PRDM7: variants seen among roughly 807,000 people sequenced by gnomAD.
The protein encoded by PRDM7 is PR/SET domain 7.
In PRDM7, 52 loss-of-function variants were observed where a neutral mutation model predicts 64.3. The observed-to-expected ratio is 0.81, with a 90% confidence interval of 0.65 to 1.02. PRDM7 has a LOEUF of 1.02. Among genes scored for constraint, PRDM7 ranks in the 50% least tolerant of loss-of-function variants. PRDM7 has a pLI of 0.00. For synonymous variants in PRDM7, 192 were observed against 210.1 expected (o/e 0.91, Z 0.74); for missense variants, 574 against 597.1 (o/e 0.96, Z 0.40).
chr16:90,062,584 A>T, intron 6 of PRDM7, 82 bp from the exon 7 acceptor site: 1 of 1,209,996 alleles, frequency 8.3e-7, no homozygotes, highest in Non-Finnish European at 1.2e-6. Flanking sequence ...GAAATCTCCT[A>T]CCATCAAATT....
intron 4 of PRDM7, among the ~76,000 whole-genome samples, chr16:90,072,043 A>G (rs2037966058): frequency 6.6e-6 from 1 of 152,156 alleles, no homozygotes; most frequent in African/African-American, 2.4e-5. Context: ...ATCCTGGCTA[A>G]CATGGTGAAA....
At chr16:90,069,529 C>A (rs1393559461) in intron 4 of PRDM7, among the ~76,000 whole-genome samples, 1 of 151,276 alleles carries the variant, frequency 6.6e-6, no homozygotes, top group Non-Finnish European at 1.5e-5. Flanking sequence ...AACTTAAAAA[C>A]TTCTGTGTAG....
At chr16:90,061,605 G>T in intron 8 of PRDM7, 86 bp from the exon 9 acceptor site, 1 of 1,467,168 alleles carries the variant, frequency 6.8e-7, no homozygotes, top group South Asian at 1.1e-5. Context: ...ATGGCCTTTG[G>T]ACCTGCAGAG....
In PRDM7 at chr16:90,067,263, G is replaced by C. The variant is rs2037890132; in HGVS notation, c.302-353C>G. ...TTACAGGCGTGAGCCACTATGCTTG[G>C]CCTAACTCTGGAGTTTCTCATTAGA... On this transcript the variant is annotated intron_variant, in intron 4 of 10. Transcript: ENST00000449207. 4.6e-5 allele frequency among the ~76,000 whole-genome samples: 7 copies of C among 151,296 alleles called. No individual in the cohort carries two copies. The South Asian group carries it at 1.5e-3, about 31-fold the overall frequency.
chr16:90,071,047 A>G lies in PRDM7; in HGVS notation c.301+3869T>C, dbSNP rs569162232. Among the ~76,000 whole-genome samples, 9 of 152,326 alleles carry G rather than the reference A, an allele frequency of 5.9e-5. No individual in the cohort carries two copies. The South Asian group carries it at 1.7e-3, about 28-fold the overall frequency. On this transcript the variant is annotated intron_variant, in intron 4 of 10. Coordinates refer to ENST00000449207, the MANE Select transcript of PRDM7 (RefSeq NM_001098173.2). ...TAGCAATGTTGGCGAAGATGTGGAGAAATTAGAACACTTGCTTATTGTTGG... is the reference window on the plus strand; with the variant it reads ...TAGCAATGTTGGCGAAGATGTGGAGGAATTAGAACACTTGCTTATTGTTGG...
rs1291317417 is a variant in PRDM7 at position 90,058,117 on chromosome 16, A to G, written c.*172T>C. ...ACACTCTCCATATTTGACTTTCGCAATTCTTGAGATTCCTACCCCCACAAA... is the reference window on the plus strand; with the variant it reads ...ACACTCTCCATATTTGACTTTCGCAGTTCTTGAGATTCCTACCCCCACAAA... On this transcript the variant is annotated 3_prime_UTR_variant, in exon 11 of 11. Coordinates refer to ENST00000449207, the MANE Select transcript of PRDM7 (RefSeq NM_001098173.2). 6 of 1,613,982 alleles carry G rather than the reference A, an allele frequency of 3.7e-6. No individual in the cohort carries two copies. The highest frequency in any genetic ancestry group is 1.3e-5 in the African/African-American group (1 of 74,918).
At chr16:90,059,432 AC>A (rs2037733892) in intron 10 of PRDM7, among the ~76,000 whole-genome samples, 1 of 152,184 alleles carries the variant, frequency 6.6e-6, no homozygotes, top group Non-Finnish European at 1.5e-5. Context: ...CATCCTGCCC[AC>A]CATTTTCTCT....
Position 90,062,084 on chromosome 16 carries a change from A to T in PRDM7, c.719T>A (p.Leu240His). The change falls in exon 8 of 11, where the codon CTC (leucine) becomes CAC (histidine). Residue 240 changes from leucine to histidine, a missense_variant. Leu to His is a moderately conservative substitution (Grantham distance 99). Coordinates refer to ENST00000449207, the MANE Select transcript of PRDM7 (RefSeq NM_001098173.2). ...VDKGHPNRSA[L>H]SLPPGLRIGP... is the part of the protein sequence containing the mutation. ...AATTCTCAGCCCCGGGGGCAGACTGAGGGCTGAACGGTTGGGATGCCCCTT... is the reference window on the plus strand; with the variant it reads ...AATTCTCAGCCCCGGGGGCAGACTGTGGGCTGAACGGTTGGGATGCCCCTT... The T allele has an allele frequency of 3.1e-6, 5 of 1,614,234 alleles. No homozygotes were observed. Among genetic ancestry groups the T allele is most frequent in the Non-Finnish European group, 4.2e-6 (5 of 1,180,034 alleles).
At position 90,058,132 on chromosome 16, in the gene PRDM7, A is replaced by G. The variant is rs530919953; in HGVS notation, c.*157T>C. The stretch of plus-strand genomic sequence containing the variant: ...GACTTTCGCAATTCTTGAGATTCCT[A>G]CCCCCACAAATAATTTGCCTGTGTT... On this transcript the variant is annotated 3_prime_UTR_variant, in exon 11 of 11. Coordinates refer to ENST00000449207, the MANE Select transcript of PRDM7 (RefSeq NM_001098173.2). The G allele has an allele frequency of 3.7e-5, 60 of 1,613,804 alleles. No homozygotes were observed. Among genetic ancestry groups the G allele is most frequent in the Admixed American group, 2.3e-4 (14 of 60,004 alleles).
intron 5 of PRDM7, 110 bp from the exon 6 acceptor site, chr16:90,063,878 C>G: frequency 3.0e-6 from 4 of 1,321,376 alleles, no homozygotes; most frequent in Non-Finnish European, 4.2e-6. Context: ...TTGGAAATAC[C>G]TAGAGTGTCT....
intron 6 of PRDM7, 23 bp downstream of exon 6, chr16:90,063,589 A>G (rs2151307541): frequency 6.2e-7 from 1 of 1,611,160 alleles, no homozygotes; most frequent in East Asian, 2.2e-5. Flanking sequence ...GAGGGACTAA[A>G]TTCCCCTCAA....
Position 90,060,635 on chromosome 16 carries a change from G to T in PRDM7, c.951-12C>A, listed in dbSNP as rs2037760157. 4 of 1,613,754 alleles carry T rather than the reference G, an allele frequency of 2.5e-6. No individual in the cohort carries two copies. Among genetic ancestry groups the T allele is most frequent in the Middle Eastern group, 1.6e-4 (1 of 6,084 alleles). The stretch of plus-strand genomic sequence containing the variant: ...CACAGTTCACATACCTGGGGTCAAG[G>T]CAGGCAAAGGGAAAGAAAGAGGCAG... On this transcript the variant is annotated splice_polypyrimidine_tract_variant and intron_variant, in intron 9 of 10. Transcript: ENST00000449207.
At chr16:90,067,879 C>T (rs552249382) in intron 4 of PRDM7, among the ~76,000 whole-genome samples, 9 of 151,250 alleles carry the variant, frequency 6.0e-5, no homozygotes, top group African/African-American at 9.8e-5. Flanking sequence ...CGTGAGCCAC[C>T]GCGCCCAGCC....
intron 10 of PRDM7, among the ~76,000 whole-genome samples, chr16:90,058,760 C>T (rs1343416690): frequency 3.3e-5 from 5 of 152,116 alleles, no homozygotes; most frequent in Admixed American, 6.5e-5. Flanking sequence ...TTCTACGTAT[C>T]AGCCAGACTC....
intron 7 of PRDM7, 100 bp from the exon 8 acceptor site, chr16:90,062,292 C>G (rs1373146596): frequency 6.2e-7 from 1 of 1,613,640 alleles, no homozygotes; most frequent in Non-Finnish European, 8.5e-7. Context: ...TAGCCCCAAT[C>G]CTGTACTTTA....
At chr16:90,069,794 G>A (rs1294568802) in intron 4 of PRDM7, among the ~76,000 whole-genome samples, 4 of 150,972 alleles carry the variant, frequency 2.6e-5, no homozygotes, top group African/African-American at 7.4e-5. Flanking sequence ...TGGCTCATGG[G>A]TGTAATCCCA....
chr16:90,066,690 T>C (rs1180898104), intron 5 of PRDM7, among the ~76,000 whole-genome samples, 171 bp downstream of exon 5: 1 of 151,318 alleles, frequency 6.6e-6, no homozygotes, highest in Non-Finnish European at 1.5e-5. Flanking sequence ...GTAGCGATTA[T>C]TGTTGCTGTT....
At chr16:90,072,206 G>C (rs2037968775) in intron 4 of PRDM7, among the ~76,000 whole-genome samples, 1 of 151,132 alleles carries the variant, frequency 6.6e-6, no homozygotes, top group South Asian at 2.1e-4. Flanking sequence ...ACTCCAGCCT[G>C]GGCGACAGAG....
At chr16:90,058,625 C>T in intron 10 of PRDM7, 91 bp from the exon 11 acceptor site, 6 of 1,455,424 alleles carry the variant, frequency 4.1e-6, no homozygotes, top group Non-Finnish European at 5.8e-6. Context: ...ACCAGTCATT[C>T]TTCATATGTT....
Sources: allele counts gnomAD v4.1 joint callset (sites outside exome capture counted in the v4.1 genomes callset), GRCh38; gene constraint gnomAD v4.1.1; transcripts MANE v1.5; gene names NCBI Gene and HGNC (gene_info 2026-07-23, HGNC 2026-07-21).